Variants in TTC28 observed in about 807,000 individuals in gnomAD.
TTC28 encodes the protein tetratricopeptide repeat domain 28.
Under a neutral mutation model 198.0 loss-of-function variants are expected in TTC28, and 61 were observed. The ratio of observed to expected loss-of-function variants is 0.31; its 90% CI spans 0.25 to 0.38. The LOEUF is 0.38. Among genes scored for constraint, TTC28 ranks in the 10% least tolerant of loss-of-function variants. The probability of loss-of-function intolerance (pLI) is 1.00; values close to 1 mark genes in which losing one functional copy is unlikely to be tolerated. For missense variants in TTC28, 2,678 were observed against 3,164.0 expected, an observed-to-expected ratio of 0.85 and a Z score of 3.69; for synonymous variants, 1,171 against 1,297.8, an observed-to-expected ratio of 0.90 and a Z score of 2.10.
chr22:28,429,353 G>A (rs1458573267), intron 2 of TTC28, among the ~76,000 whole-genome samples: 1 of 152,110 alleles, frequency 6.6e-6, no homozygotes, highest in Non-Finnish European at 1.5e-5. Context: ...CTCAAACACA[G>A]AAAAGTGTCT....
At chr22:28,415,278 G>T (rs190761340) in intron 2 of TTC28, among the ~76,000 whole-genome samples, 24 of 151,644 alleles carry the variant, frequency 1.6e-4, no homozygotes, top group Admixed American at 1.4e-3. Context: ...AATTTTAAAT[G>T]AAAAAAACAG....
intron 2 of TTC28, among the ~76,000 whole-genome samples, chr22:28,584,876 C>T (rs766983898): frequency 2.6e-5 from 4 of 152,164 alleles, no homozygotes; most frequent in Non-Finnish European, 4.4e-5. Context: ...CTGAAAAGTG[C>T]TCATCAGATC....
chr22:28,564,990 G>A (rs1297353233), intron 2 of TTC28, among the ~76,000 whole-genome samples: 1 of 151,290 alleles, frequency 6.6e-6, no homozygotes, highest in Admixed American at 6.6e-5. Context: ...GGTGGGAGGA[G>A]GGAGGCACAG....
chr22:28,000,475 G>C (rs1004791905), intron 15 of TTC28: 11 of 152,488 alleles, frequency 7.2e-5, no homozygotes, highest in Admixed American at 6.5e-4. Flanking sequence ...TATTAGGGCA[G>C]ATGGGGTCTG....
intron 2 of TTC28, among the ~76,000 whole-genome samples, chr22:28,398,585 C>T (rs1007514378): frequency 6.6e-6 from 1 of 152,138 alleles, no homozygotes. Flanking sequence ...CATCATGGCC[C>T]CTAAATGCAA....
At chr22:28,055,563 C>T (rs1316282483) in intron 12 of TTC28, among the ~76,000 whole-genome samples, 1 of 152,066 alleles carries the variant, frequency 6.6e-6, no homozygotes, top group African/African-American at 2.4e-5. Context: ...AAGGGCTGTG[C>T]TAGGAATCTC....
At chr22:28,021,252 T>C (rs1250620444) in intron 13 of TTC28, among the ~76,000 whole-genome samples, 1 of 152,064 alleles carries the variant, frequency 6.6e-6, no homozygotes, top group Non-Finnish European at 1.5e-5. Context: ...ACCAGATGGC[T>C]GGGAGGAGGG....
At chr22:28,177,374 T>C (rs1181904990) in intron 5 of TTC28, among the ~76,000 whole-genome samples, 1 of 152,100 alleles carries the variant, frequency 6.6e-6, no homozygotes, top group East Asian at 1.9e-4. Context: ...GACAAGAACA[T>C]GGAACAATAG....
chr22:27,986,634 C>G (rs1937225217), intron 21 of TTC28, among the ~76,000 whole-genome samples: 1 of 152,140 alleles, frequency 6.6e-6, no homozygotes, highest in East Asian at 1.9e-4. Flanking sequence ...TAAGGGGGCC[C>G]ATAGTACACG....
intron 13 of TTC28, chr22:28,028,877 C>A (rs550821708): frequency 2.5e-6 from 1 of 407,820 alleles, no homozygotes; most frequent in African/African-American, 2.1e-5. Flanking sequence ...AGAAGCCATC[C>A]CCATTTCACA....
intron 6 of TTC28, among the ~76,000 whole-genome samples, chr22:28,110,738 A>T (rs1205385429): frequency 6.6e-6 from 1 of 152,016 alleles, no homozygotes; most frequent in East Asian, 1.9e-4. Context: ...AGTTCAAGAG[A>T]AGCTTGGGTA....
intron 2 of TTC28, among the ~76,000 whole-genome samples, chr22:28,548,490 A>C (rs2049590813): frequency 6.6e-6 from 1 of 152,186 alleles, no homozygotes; most frequent in Non-Finnish European, 1.5e-5. Context: ...ATCAGTTATA[A>C]AGCTCAAAGT....
intron 5 of TTC28, among the ~76,000 whole-genome samples, chr22:28,222,539 G>A (rs920391908): frequency 6.6e-6 from 1 of 152,190 alleles, no homozygotes. Context: ...AGACTTTAAT[G>A]AGTAAACCTA....
intron 13 of TTC28, among the ~76,000 whole-genome samples, chr22:28,022,640 T>A (rs893725140): frequency 6.6e-6 from 1 of 152,230 alleles, no homozygotes; most frequent in Non-Finnish European, 1.5e-5. Flanking sequence ...GAAAATCCTT[T>A]GGTTCCTTCC....
chr22:28,558,124 G>C (rs2049813340), intron 2 of TTC28, among the ~76,000 whole-genome samples: 1 of 152,122 alleles, frequency 6.6e-6, no homozygotes. Flanking sequence ...GTTGTGAAAG[G>C]TTCCTATAAC....
At chr22:28,549,220 G>A (rs2049608745) in intron 2 of TTC28, among the ~76,000 whole-genome samples, 1 of 151,788 alleles carries the variant, frequency 6.6e-6, no homozygotes, top group Non-Finnish European at 1.5e-5. Context: ...GGAGAGATGG[G>A]GTTTCACCAT....
chr22:27,996,726 G>T (rs565952089), intron 16 of TTC28, among the ~76,000 whole-genome samples: 1 of 152,058 alleles, frequency 6.6e-6, no homozygotes, highest in East Asian at 1.9e-4. Flanking sequence ...GGGCTGAGGA[G>T]CACCGCATCC....
intron 2 of TTC28, among the ~76,000 whole-genome samples, chr22:28,552,126 C>G (rs758997786): frequency 6.6e-6 from 1 of 152,172 alleles, no homozygotes; most frequent in Non-Finnish European, 1.5e-5. Flanking sequence ...ACCCCCTTCA[C>G]GATAACCACA....
chr22:28,624,638 C>T (rs952685188), intron 2 of TTC28, among the ~76,000 whole-genome samples: 2 of 152,092 alleles, frequency 1.3e-5, no homozygotes. Flanking sequence ...ATAAATATGG[C>T]TTGACTGGTG....
Sources: allele counts gnomAD v4.1 joint callset (sites outside exome capture counted in the v4.1 genomes callset), GRCh38; gene constraint gnomAD v4.1.1; transcripts MANE v1.5; gene names NCBI Gene and HGNC (gene_info 2026-07-23, HGNC 2026-07-21).